NRXN3: variants seen among roughly 807,000 people sequenced by gnomAD.
NRXN3 encodes neurexin 3.
A neutral mutation model predicts 137.6 loss-of-function variants in NRXN3; 32 were observed. That is an observed-to-expected ratio of 0.23 (90% CI 0.18 to 0.31). The LOEUF (loss-of-function observed/expected upper bound fraction) is 0.31, where lower values mean the gene tolerates loss of function less well. Among genes scored for constraint, NRXN3 ranks in the 10% least tolerant of loss-of-function variants. The pLI, the probability that NRXN3 is intolerant of heterozygous loss-of-function variation, is 1.00. For synonymous variants in NRXN3, 798 were observed against 784.5 expected (o/e 1.02, Z -0.29); for missense variants, 1,574 against 2,062.5 (o/e 0.76, Z 4.59).
intron 15 of NRXN3, among the ~76,000 whole-genome samples, chr14:79,342,327 C>T (rs895326762): frequency 6.6e-6 from 1 of 152,176 alleles, no homozygotes. Context: ...ACCAGCAACA[C>T]AGGGTTGTCC....
At chr14:79,651,157 T>G (rs970904272) in intron 16 of NRXN3, among the ~76,000 whole-genome samples, 1 of 152,180 alleles carries the variant, frequency 6.6e-6, no homozygotes, top group Non-Finnish European at 1.5e-5. Flanking sequence ...AAGCCCTTGG[T>G]AATGAACACT....
intron 4 of NRXN3, among the ~76,000 whole-genome samples, chr14:78,396,739 C>G (rs1223237872): frequency 1.3e-5 from 2 of 152,128 alleles, no homozygotes; most frequent in Admixed American, 6.6e-5. Flanking sequence ...TTTTCTCTGA[C>G]TGTTTTCAAG....
chr14:79,839,808 ATCAT>A (rs2099352078), intron 20 of NRXN3, among the ~76,000 whole-genome samples: 2 of 152,334 alleles, frequency 1.3e-5, no homozygotes, highest in South Asian at 4.1e-4. Flanking sequence ...AGGGAATCAA[ATCAT>A]TCAGACCAAC....
chr14:78,922,057 A>G (rs2099272209), intron 10 of NRXN3, among the ~76,000 whole-genome samples: 1 of 152,184 alleles, frequency 6.6e-6, no homozygotes, highest in Admixed American at 6.5e-5. Context: ...TGAAGTTGTA[A>G]CCCTGGTGAT....
At chr14:78,841,928 C>G (rs113106675) in intron 10 of NRXN3, among the ~76,000 whole-genome samples, 3,190 of 152,194 alleles carry the variant, frequency 0.021, 55 homozygotes, top group South Asian at 0.057. Context: ...ATAATGATAG[C>G]ACCCATCTTT....
At chr14:78,312,708 C>G (rs537961669) in intron 4 of NRXN3, among the ~76,000 whole-genome samples, 2 of 151,850 alleles carry the variant, frequency 1.3e-5, no homozygotes, top group Admixed American at 6.6e-5. Flanking sequence ...AGTGCCCGTC[C>G]GTGAGGCAGC....
intron 4 of NRXN3, among the ~76,000 whole-genome samples, chr14:78,527,729 T>G (rs1490325708): frequency 6.6e-6 from 1 of 152,202 alleles, no homozygotes; most frequent in African/African-American, 2.4e-5. Flanking sequence ...TTAAAATATT[T>G]TGTCAATGAT....
At chr14:79,362,536 C>T (rs548844740) in intron 15 of NRXN3, among the ~76,000 whole-genome samples, 8 of 152,232 alleles carry the variant, frequency 5.3e-5, no homozygotes, top group African/African-American at 1.9e-4. Context: ...ACTGATTAGA[C>T]ATAGACAATA....
At chr14:78,821,605 G>A (rs1171672670) in intron 10 of NRXN3, among the ~76,000 whole-genome samples, 1 of 151,932 alleles carries the variant, frequency 6.6e-6, no homozygotes, top group Admixed American at 6.6e-5. Flanking sequence ...TCACAATGGA[G>A]CAACACACAT....
At chr14:78,520,026 G>C (rs942475787) in intron 4 of NRXN3, among the ~76,000 whole-genome samples, 2 of 152,176 alleles carry the variant, frequency 1.3e-5, no homozygotes, top group African/African-American at 4.8e-5. Context: ...AAATGCCTCT[G>C]AAACAGTTGG....
At chr14:79,719,823 G>A (rs988492978) in intron 19 of NRXN3, among the ~76,000 whole-genome samples, 4 of 151,914 alleles carry the variant, frequency 2.6e-5, no homozygotes, top group African/African-American at 7.3e-5. Context: ...GAGCATGCTT[G>A]TTTATCTATA....
chr14:78,525,099 T>G (rs2096357764), intron 4 of NRXN3, among the ~76,000 whole-genome samples: 1 of 152,222 alleles, frequency 6.6e-6, no homozygotes, highest in Non-Finnish European at 1.5e-5. Context: ...CATGGAAAAT[T>G]CAACCTTGTT....
intron 15 of NRXN3, among the ~76,000 whole-genome samples, chr14:79,010,263 C>A (rs1028546334): frequency 6.6e-6 from 1 of 152,112 alleles, no homozygotes; most frequent in African/African-American, 2.4e-5. Flanking sequence ...GATTTTGGTA[C>A]AGTGACTTGA....
intron 4 of NRXN3, among the ~76,000 whole-genome samples, chr14:78,423,510 A>G (rs2215838): frequency 0.24 from 37,246 of 152,102 alleles, 6,509 homozygotes; most frequent in African/African-American, 0.47. Flanking sequence ...TCATCAATAC[A>G]GAATTTGTGA....
chr14:78,271,153 G>A (rs1468258336), intron 2 of NRXN3, among the ~76,000 whole-genome samples: 2 of 152,124 alleles, frequency 1.3e-5, no homozygotes, highest in Admixed American at 1.3e-4. Context: ...TAGTACTTAC[G>A]TACTTCTTAG....
intron 16 of NRXN3, among the ~76,000 whole-genome samples, chr14:79,582,836 C>G (rs889403448): frequency 3.3e-5 from 5 of 152,134 alleles, no homozygotes; most frequent in African/African-American, 1.2e-4. Flanking sequence ...AATGATTCAG[C>G]AAAACTTCAT....
At chr14:79,363,298 C>T (rs1402731971) in intron 15 of NRXN3, among the ~76,000 whole-genome samples, 1 of 152,184 alleles carries the variant, frequency 6.6e-6, no homozygotes, top group Non-Finnish European at 1.5e-5. Context: ...CTGCACCCGA[C>T]AAAAATTGTC....
At position 79,623,844 on chromosome 14, in the gene NRXN3, C is replaced by A. The variant is rs908273920; in HGVS notation, c.3445-39934C>A. 5.4e-5 allele frequency among the ~76,000 whole-genome samples: 7 copies of A among 130,606 alleles called. 1 individual carries two copies. In the South Asian group the frequency reaches 1.4e-3, roughly 26 times the overall value. 85.7% of individuals were successfully genotyped at this position (130,606 alleles called of 152,430 possible). On this transcript the variant is annotated intron_variant, in intron 16 of 20. Coordinates refer to ENST00000335750, the MANE Select transcript of NRXN3 (RefSeq NM_001330195.2). ...ATGAAAGAAATCACTGAGTCCTTAG[C>A]TCCTGTTTTTTTTTTTTTTTTTTTT...
intron 1 of NRXN3, among the ~76,000 whole-genome samples, chr14:78,192,361 G>A (rs951642908): frequency 6.6e-6 from 1 of 152,128 alleles, no homozygotes; most frequent in Non-Finnish European, 1.5e-5. Context: ...AGGGCTTGGG[G>A]TGGGGTGCTT....
Sources: gnomAD v4.1 joint callset for allele counts (sites outside exome capture counted in the v4.1 genomes callset) on GRCh38, gnomAD v4.1.1 for gene constraint, MANE v1.5 for transcripts, NCBI Gene and HGNC (gene_info 2026-07-23, HGNC 2026-07-21) for gene names.